The following SORL1 variants were observed in gnomAD, a reference collection of about 807,000 sequenced individuals.
SORL1 encodes the protein sortilin-related receptor.
SORL1 carries 127 observed loss-of-function variants against 273.7 expected under a neutral mutation model. The ratio of observed to expected loss-of-function variants is 0.46; its 90% CI spans 0.40 to 0.54. The LOEUF is 0.54. SORL1 is among the 20% of genes least tolerant of loss of function. SORL1 has a pLI of 0.00. For missense variants in SORL1, 2,494 were observed against 2,846.1 expected (o/e 0.88, Z 2.81); for synonymous variants, 1,031 against 1,067.4 (o/e 0.97, Z 0.66).
In SORL1 at chr11:121,618,823, C is replaced by T. The variant is rs200266907; in HGVS notation, c.5654C>T (p.Pro1885Leu). 4.4e-5 allele frequency: 71 copies of T among 1,614,014 alleles called. No individual in the cohort carries two copies. The highest frequency in any genetic ancestry group is 3.3e-4 in the Middle Eastern group (2 of 6,062). The change falls in exon 42 of 48, where the codon CCG (proline) becomes CTG (leucine). Residue 1885 changes from proline to leucine, a missense_variant. Pro to Leu is a moderately conservative substitution (Grantham distance 98). Transcript: ENST00000260197. ...ATSFLDLYRN[P>L]KSLTTSLHNK... is the part of the protein sequence containing the mutation. Reference sequence around the variant, plus strand: ...TCCTTTCTTGACCTCTATCGCAACCCGAAGAGCTTGACTACTTCACTCCAC... The same window carrying T: ...TCCTTTCTTGACCTCTATCGCAACCTGAAGAGCTTGACTACTTCACTCCAC...
chr11:121,583,546 C>T lies in SORL1; in HGVS notation c.3669C>T (p.Asp1223=). ...PQRWACDGDT[D]CQDGSDEDPV... is the part of the protein sequence containing the mutation. Reference sequence around the variant, plus strand: ...GGTGGGCGTGTGACGGGGATACGGACTGCCAGGATGGTTCCGATGAGGATC... The same window carrying T: ...GGTGGGCGTGTGACGGGGATACGGATTGCCAGGATGGTTCCGATGAGGATC... Residue 1223 remains aspartate, a synonymous_variant, in exon 26 of 48, where the codon GAC becomes GAT. Transcript: ENST00000260197. 6.2e-7 allele frequency: 1 copy of T among 1,612,614 alleles called. No individual in the cohort carries two copies. Among genetic ancestry groups the T allele is most frequent in the South Asian group, 1.1e-5 (1 of 90,912 alleles).
chr11:121,558,693 G>C lies in SORL1; in HGVS notation c.2766G>C (p.Trp922Cys). The C allele has an allele frequency of 6.2e-7, 1 of 1,614,132 alleles. No individual in the cohort carries two copies. The highest frequency in any genetic ancestry group is 8.5e-7 in the Non-Finnish European group (1 of 1,180,010). ...AYHLVSEDVK[W>C]PNGISVDDQW... Reference sequence around the variant, plus strand: ...ACCTGGTGTCTGAGGATGTGAAGTGGCCCAATGGCATCTCTGTGGACGACC... The same window carrying C: ...ACCTGGTGTCTGAGGATGTGAAGTGCCCCAATGGCATCTCTGTGGACGACC... The change falls in exon 20 of 48, where the codon TGG becomes TGC. Residue 922 changes from tryptophan (W) to cysteine (C), a missense_variant. Transcript: ENST00000260197.
At chr11:121,509,682 G>A (rs964607939) in intron 6 of SORL1, among the ~76,000 whole-genome samples, 8 of 152,046 alleles carry the variant, frequency 5.3e-5, no homozygotes, top group African/African-American at 1.2e-4. Flanking sequence ...TCACCATGTC[G>A]GCCAGGATGA....
intron 6 of SORL1, among the ~76,000 whole-genome samples, chr11:121,503,058 C>T (rs7481208): frequency 0.3 from 46,036 of 151,704 alleles, 7,775 homozygotes; most frequent in Middle Eastern, 0.42. Context: ...TTTGTAGAGA[C>T]GGGGTTTCAT....
In SORL1 at chr11:121,550,654, C is replaced by T; in HGVS notation, c.2250C>T (p.Val750=). Residue 750 remains valine, a synonymous_variant, in exon 16 of 48, where the codon GTC becomes GTT. Transcript: ENST00000260197. This position sits in a 1 kb window ranked among gnomAD's most constrained non-coding sequence, Gnocchi z 5.3. ...DVEARLEGEL[V]PCPLAEENEF... is the part of the protein sequence containing the mutation. ...AAGCGCGACTGGAAGGAGAGCTGGT[C>T]CCCTGTCCCCTGGCAGGTAAGAGAG... is the stretch of plus-strand genomic sequence containing the variant. The T allele has an allele frequency of 1.9e-6, 3 of 1,613,476 alleles. No homozygotes were observed. Among genetic ancestry groups the T allele is most frequent in the Non-Finnish European group, 2.5e-6 (3 of 1,179,478 alleles).
intron 41 of SORL1, 148 bp from the exon 42 acceptor site, chr11:121,618,626 G>A: frequency 2.1e-6 from 2 of 972,502 alleles, no homozygotes; most frequent in Non-Finnish European, 3.1e-6. Context: ...TGCCTTCTCT[G>A]TAAATGCTGT....
intron 37 of SORL1, 152 bp from the exon 38 acceptor site, chr11:121,607,952 C>A: frequency 3.4e-6 from 2 of 595,400 alleles, no homozygotes; most frequent in South Asian, 2.5e-5. Flanking sequence ...ATTTCAGATG[C>A]TGGGGCCTCT....
At chr11:121,459,476 A>T (rs640515) in intron 1 of SORL1, among the ~76,000 whole-genome samples, 1 of 151,902 alleles carries the variant, frequency 6.6e-6, no homozygotes, top group Admixed American at 6.6e-5. Flanking sequence ...TTTCCTAGGT[A>T]GGAACTCACC....
intron 1 of SORL1, among the ~76,000 whole-genome samples, chr11:121,468,363 G>A (rs941714344): frequency 1.3e-5 from 2 of 152,170 alleles, no homozygotes; most frequent in Non-Finnish European, 2.9e-5. Context: ...CTCAGCAAGA[G>A]AGGCAGCCTG....
chr11:121,576,893 C>T, intron 24 of SORL1: 1 of 1,535,660 alleles, frequency 6.5e-7, no homozygotes, highest in Non-Finnish European at 8.7e-7. Flanking sequence ...CAGGCTGTGT[C>T]TGTAGGAGTC....
Position 121,558,573 on chromosome 11 carries a change from T to C in SORL1, c.2664-18T>C, listed in dbSNP as rs1424730249. The C allele has an allele frequency of 6.2e-7, 1 of 1,613,934 alleles. No homozygotes were observed. Among genetic ancestry groups the C allele is most frequent in the African/African-American group, 1.3e-5 (1 of 74,924 alleles). On this transcript the variant is annotated intron_variant, in intron 19 of 47. Transcript: ENST00000260197. ...TCTAGTATTGATGAGGTATGTGTTC[T>C]GTCCCCATTTTCGCTAGGGTGATGT...
chr11:121,623,711 AG>A (rs904410724), intron 45 of SORL1, among the ~76,000 whole-genome samples: 1 of 152,220 alleles, frequency 6.6e-6, no homozygotes, highest in Non-Finnish European at 1.5e-5. Flanking sequence ...AGTCGCCATT[AG>A]GGGATCCTTC....
At chr11:121,625,488 G>A (rs1438287812) in intron 46 of SORL1, among the ~76,000 whole-genome samples, 1 of 152,126 alleles carries the variant, frequency 6.6e-6, no homozygotes, top group African/African-American at 2.4e-5. Flanking sequence ...GATTACAGGG[G>A]GACCGGATTC....
At chr11:121,525,162 A>G (rs781265245) in intron 11 of SORL1, among the ~76,000 whole-genome samples, 6 of 152,092 alleles carry the variant, frequency 3.9e-5, no homozygotes, top group Non-Finnish European at 5.9e-5. Flanking sequence ...ATTCATTGGC[A>G]TTTTCTAGAA....
rs998674680 is a variant in SORL1 at position 121,627,252 on chromosome 11, T to C, written c.6365-303T>C. On this transcript the variant is annotated intron_variant, in intron 46 of 47. Coordinates refer to ENST00000260197, the MANE Select transcript of SORL1 (RefSeq NM_003105.6). This position sits in a 1 kb window ranked among gnomAD's most constrained non-coding sequence, Gnocchi z 4.9. ...TAAGTAATAATGCTAATGAAATCAA[T>C]GTTGATACCCCAACAAAGGTCTCCC... 3 of 362,684 alleles carry C rather than the reference T, an allele frequency of 8.3e-6. No homozygotes were observed. The highest frequency in any genetic ancestry group is 1.5e-5 in the Non-Finnish European group (3 of 196,880). 22.5% of individuals were successfully genotyped at this position (362,684 alleles called of 1,614,324 possible). A position where few individuals can be genotyped will look rare whatever the true frequency, so the allele number is the denominator to read the frequency against.
At position 121,557,420 on chromosome 11, in the gene SORL1, A is replaced by G; in HGVS notation, c.2663+15A>G. The G allele has an allele frequency of 6.3e-7, 1 of 1,585,616 alleles. No homozygotes were observed. Among genetic ancestry groups the G allele is most frequent in the Non-Finnish European group, 8.7e-7 (1 of 1,154,050 alleles). On this transcript the variant is annotated intron_variant, in intron 19 of 47. Coordinates refer to ENST00000260197, the MANE Select transcript of SORL1 (RefSeq NM_003105.6). Reference sequence around the variant, plus strand: ...CCCCAAGAGGGGTAAGTGTTGCCCCAAAAGGAAATCAGTCTTGCGTCCAAT... The same window carrying G: ...CCCCAAGAGGGGTAAGTGTTGCCCCGAAAGGAAATCAGTCTTGCGTCCAAT...
intron 37 of SORL1, 105 bp from the exon 38 acceptor site, chr11:121,607,999 C>A: frequency 2.0e-6 from 2 of 987,346 alleles, no homozygotes; most frequent in Non-Finnish European, 3.1e-6. Flanking sequence ...ATTTTTCCAG[C>A]CTCACTGCCA....
At chr11:121,523,535 C>G (rs1053265660) in intron 11 of SORL1, among the ~76,000 whole-genome samples, 3 of 152,048 alleles carry the variant, frequency 2.0e-5, no homozygotes, top group African/African-American at 7.2e-5. Flanking sequence ...TATACCAATT[C>G]CTAAGACAGG....
rs1565306388 is a variant in SORL1, at chr11:121,478,218, A to T, written c.503A>T (p.Tyr168Phe). The change falls in exon 3 of 48, where the codon TAC (tyrosine) becomes TTC (phenylalanine). Residue 168 changes from tyrosine to phenylalanine, a missense_variant. This residue lies in a region of SORL1 where 710 missense variants were observed against 882.5 expected (regional missense o/e 0.80). Coordinates refer to ENST00000260197, the MANE Select transcript of SORL1 (RefSeq NM_003105.6). The part of the protein sequence containing the change: ...NRSEAVIAQF[Y>F]HSPADNKRYI... ...AGTGAAGCTGTTATCGCCCAGTTCT[A>T]CCACAGCCCTGCGGACAACAAGCGG... The T allele has an allele frequency of 6.2e-7, 1 of 1,614,126 alleles. No individual in the cohort carries two copies. The highest frequency in any genetic ancestry group is 8.5e-7 in the Non-Finnish European group (1 of 1,180,024).
Sources: gnomAD v4.1 joint callset for allele counts (sites outside exome capture counted in the v4.1 genomes callset) on GRCh38, gnomAD v4.1.1 for gene constraint, gnomAD v4.1.1 regional missense constraint, Gnocchi (gnomAD v3.1) non-coding constraint, MANE v1.5 for transcripts, NCBI Gene and HGNC (gene_info 2026-07-23, HGNC 2026-07-21) for gene names.